RASA1: variants seen among roughly 807,000 people sequenced by gnomAD.
The protein encoded by RASA1 is ras GTPase-activating protein 1.
In RASA1, 25 loss-of-function variants were observed where a neutral mutation model predicts 132.2. The ratio of observed to expected loss-of-function variants is 0.19; its 90% CI spans 0.14 to 0.26. The LOEUF is 0.26. Ranked by LOEUF, RASA1 falls within the 10% of genes least tolerant of loss-of-function variation. The pLI, the probability that RASA1 is intolerant of heterozygous loss-of-function variation, is 1.00. For synonymous variants in RASA1, 477 were observed against 449.9 expected, an observed-to-expected ratio of 1.06 and a Z score of -0.76; for missense variants, 964 against 1,299.2, an observed-to-expected ratio of 0.74 and a Z score of 3.97.
At chr5:87,294,065 C>T (rs1031231316) in intron 1 of RASA1, 3 of 151,860 alleles carry the variant, frequency 2.0e-5, no homozygotes, top group Admixed American at 6.6e-5. Flanking sequence ...GTTATCAATT[C>T]CATTGATTTT....
At chr5:87,305,787 G>A (rs140699801) in intron 1 of RASA1, among the ~76,000 whole-genome samples, 8 of 152,278 alleles carry the variant, frequency 5.3e-5, no homozygotes, top group East Asian at 1.9e-4. Context: ...ACACATTTAC[G>A]AGGAAAAGAA....
At chr5:87,374,363 A>G in intron 14 of RASA1, 43 bp downstream of exon 14, 1 of 1,554,130 alleles carries the variant, frequency 6.4e-7, no homozygotes, top group South Asian at 1.1e-5. Flanking sequence ...TTCTTTTACC[A>G]TATTGCATTT....
intron 21 of RASA1, 136 bp from the exon 22 acceptor site, chr5:87,385,165 A>G (rs1761982042): frequency 2.9e-6 from 2 of 689,708 alleles, no homozygotes; most frequent in Admixed American, 2.5e-5. Flanking sequence ...CATTTTTCCA[A>G]AAACATTCTG....
chr5:87,288,160 T>G (rs1187843839), intron 1 of RASA1, among the ~76,000 whole-genome samples: 2 of 147,900 alleles, frequency 1.4e-5, no homozygotes, highest in Non-Finnish European at 3.0e-5. Context: ...ATATATACCA[T>G]ATATATACAC....
At chr5:87,295,542 T>G (rs905635420) in intron 1 of RASA1, among the ~76,000 whole-genome samples, 1 of 151,842 alleles carries the variant, frequency 6.6e-6, no homozygotes, top group Non-Finnish European at 1.5e-5. Flanking sequence ...TTTGAGACAC[T>G]GTATCACCCA....
chr5:87,316,736 T>C (rs1369268296), intron 1 of RASA1, among the ~76,000 whole-genome samples: 5 of 152,216 alleles, frequency 3.3e-5, no homozygotes, highest in African/African-American at 9.7e-5. Flanking sequence ...CTCACAATTA[T>C]AGATACAAAG....
At chr5:87,359,658 A>T (rs1759926883) in intron 9 of RASA1, among the ~76,000 whole-genome samples, 4 of 152,220 alleles carry the variant, frequency 2.6e-5, no homozygotes, top group Non-Finnish European at 5.9e-5. Flanking sequence ...TTTGATAAAT[A>T]CAAATCTGTA....
intron 1 of RASA1, among the ~76,000 whole-genome samples, chr5:87,276,530 A>G (rs889530215): frequency 5.3e-5 from 8 of 152,172 alleles, no homozygotes; most frequent in Non-Finnish European, 1.2e-4. Flanking sequence ...GACAAAAAGA[A>G]ATATACAATT....
chr5:87,386,230 T>C (rs1762052538), intron 22 of RASA1, among the ~76,000 whole-genome samples: 1 of 152,014 alleles, frequency 6.6e-6, no homozygotes, highest in Non-Finnish European at 1.5e-5. Context: ...TCTCATTGAG[T>C]TTCTTACTGA....
intron 4 of RASA1, 27 bp downstream of exon 4, chr5:87,333,364 A>T: frequency 6.2e-7 from 1 of 1,610,028 alleles, no homozygotes; most frequent in South Asian, 1.1e-5. Flanking sequence ...TCTCATGTAT[A>T]GGCATTTGAA....
At chr5:87,316,924 C>T (rs915327745) in intron 1 of RASA1, among the ~76,000 whole-genome samples, 32 of 151,844 alleles carry the variant, frequency 2.1e-4, no homozygotes, top group African/African-American at 7.7e-4. Context: ...GCTCTGTTGC[C>T]CAGGCCAGAG....
chr5:87,378,808 A>G, intron 18 of RASA1, among the ~76,000 whole-genome samples: 1 of 152,120 alleles, frequency 6.6e-6, no homozygotes, highest in Non-Finnish European at 1.5e-5. Context: ...CTAATAATCT[A>G]TATACTACTT....
chr5:87,345,830 G>T (rs1331033214), intron 6 of RASA1, among the ~76,000 whole-genome samples: 1 of 152,048 alleles, frequency 6.6e-6, no homozygotes, highest in Non-Finnish European at 1.5e-5. Context: ...ACCCTAAGAA[G>T]ATCCCACAAA....
rs545356495 is a variant in RASA1 at position 87,389,690 on chromosome 5, C to T, written c.3060+163C>T. On this transcript the variant is annotated intron_variant, in intron 24 of 24. Transcript: ENST00000274376. ...CTCAGCAGACAGAAATAACGGGCCC[C>T]GACTAAAATGATGTACATTTAATAC... is the stretch of plus-strand genomic sequence containing the variant. Among the ~76,000 whole-genome samples the T allele has an allele frequency of 1.9e-4, 29 of 152,204 alleles. No homozygotes were observed. In the South Asian group the frequency reaches 5.6e-3, roughly 29 times the overall value.
chr5:87,349,745 G>A (rs974430953), intron 8 of RASA1, among the ~76,000 whole-genome samples: 1 of 151,876 alleles, frequency 6.6e-6, no homozygotes, highest in African/African-American at 2.4e-5. Flanking sequence ...AAAGATACCT[G>A]AGACTTATTA....
intron 1 of RASA1, among the ~76,000 whole-genome samples, chr5:87,312,884 G>C (rs1354570468): frequency 1.3e-5 from 2 of 152,194 alleles, no homozygotes; most frequent in African/African-American, 2.4e-5. Context: ...GTTAGTATGA[G>C]TGTGAAAAAA....
At chr5:87,353,113 A>G in intron 8 of RASA1, 44 bp from the exon 9 acceptor site, 1 of 1,461,884 alleles carries the variant, frequency 6.8e-7, no homozygotes, top group Non-Finnish European at 9.6e-7. Context: ...AAGATTTTGC[A>G]GTTTTATGAG....
chr5:87,363,556 A>G, intron 11 of RASA1, 52 bp downstream of exon 11: 1 of 1,576,586 alleles, frequency 6.3e-7, no homozygotes, highest in Non-Finnish European at 8.7e-7. Context: ...ATAATAAAAT[A>G]GTACAAACAA....
intron 11 of RASA1, among the ~76,000 whole-genome samples, chr5:87,368,488 A>G (rs1760690377): frequency 6.6e-6 from 1 of 152,176 alleles, no homozygotes; most frequent in Non-Finnish European, 1.5e-5. Flanking sequence ...TAGTTTGACT[A>G]AGTGGTAGAC....
Sources: allele counts gnomAD v4.1 joint callset (sites outside exome capture counted in the v4.1 genomes callset), GRCh38; gene constraint gnomAD v4.1.1; transcripts MANE v1.5; gene names NCBI Gene and HGNC (gene_info 2026-07-23, HGNC 2026-07-21).